GPR183: variants seen among roughly 807,000 people sequenced by gnomAD.
The protein encoded by GPR183 is EBV-induced G-protein coupled receptor 2.
Under a neutral mutation model 19.7 loss-of-function variants are expected in GPR183, and 9 were observed. The observed-to-expected ratio is 0.46, with a 90% CI of 0.28 to 0.80. The LOEUF (loss-of-function observed/expected upper bound fraction) is 0.80. Ranked by LOEUF, GPR183 falls within the 30% of genes least tolerant of loss-of-function variation. The probability of loss-of-function intolerance (pLI) is 0.13; values close to 1 mark genes in which losing one functional copy is unlikely to be tolerated. For missense variants in GPR183, 368 were observed against 446.7 expected (o/e 0.82, Z 1.59); for synonymous variants, 160 against 155.1 (o/e 1.03, Z -0.24).
chr13:99,298,116 T>A (rs2044203450), intron 1 of GPR183, among the ~76,000 whole-genome samples: 1 of 152,090 alleles, frequency 6.6e-6, no homozygotes. Context: ...TTCACAACCA[T>A]GGTGGGAGAT....
chr13:99,306,534 C>T (rs994882429), intron 1 of GPR183, among the ~76,000 whole-genome samples: 1 of 152,140 alleles, frequency 6.6e-6, no homozygotes, highest in African/African-American at 2.4e-5. Flanking sequence ...AACACACACA[C>T]AAACACACAT....
Position 99,295,394 on chromosome 13 carries a change from A to G in GPR183, c.752T>C (p.Val251Ala). 6.2e-7 allele frequency: 1 copy of G among 1,614,158 alleles called. No individual in the cohort carries two copies. The highest frequency in any genetic ancestry group is 8.5e-7 in the Non-Finnish European group (1 of 1,179,996). ...KALNTIILIIVVFVLCFTPYH... is the reference protein window; with the variant it reads ...KALNTIILIIAVFVLCFTPYH... ...AGGTGTGAAACAGAGAACAAACACA[A>G]CAATAATAAGAATAATTGTGTTGAG... Residue 251 changes from valine to alanine, a missense_variant, in exon 2 of 2, where the codon GTT (valine) becomes GCT (alanine). Val to Ala is a moderately conservative substitution (Grantham distance 64, BLOSUM62 0). Coordinates refer to ENST00000376414, the MANE Select transcript of GPR183 (RefSeq NM_004951.5). This position sits in a 1 kb window ranked among gnomAD's most constrained non-coding sequence, Gnocchi z 4.1.
At chr13:99,303,833 G>A (rs984685035) in intron 1 of GPR183, among the ~76,000 whole-genome samples, 33 of 152,154 alleles carry the variant, frequency 2.2e-4, no homozygotes, top group Admixed American at 9.2e-4. Context: ...AGGTCAACTC[G>A]GTCATTCGCT....
intron 1 of GPR183, among the ~76,000 whole-genome samples, chr13:99,298,687 GA>G (rs932568927): frequency 3.3e-5 from 5 of 151,672 alleles, no homozygotes; most frequent in East Asian, 1.9e-4. Context: ...TTTTGTGCAG[GA>G]AAAAAAATGG....
chr13:99,295,945 G>C lies in GPR183; in HGVS notation c.201C>G (p.Thr67=), dbSNP rs902352369. The C allele has an allele frequency of 1.2e-6, 2 of 1,613,858 alleles. No homozygotes were observed. Among genetic ancestry groups the C allele is most frequent in the Non-Finnish European group, 1.7e-6 (2 of 1,179,942 alleles). The change falls in exon 2 of 2, where the codon ACC becomes ACG. Residue 67 remains threonine, a synonymous_variant. Coordinates refer to ENST00000376414, the MANE Select transcript of GPR183 (RefSeq NM_004951.5). The surrounding 1 kb of genome is among the most constrained non-coding windows in gnomAD (Gnocchi z 4.1). ...VQNRKKINST[T]LYSTNLVISD... ...AAATCACCAAATTTGTTGAATAGAG[G>C]GTGGTAGAGTTGATTTTTTTCCTGT...
chr13:99,304,720 A>G (rs2044306662), intron 1 of GPR183, among the ~76,000 whole-genome samples: 1 of 151,984 alleles, frequency 6.6e-6, no homozygotes, highest in Admixed American at 6.5e-5. Context: ...AAGTCCATTG[A>G]CAGAAGGTGA....
At chr13:99,301,250 C>T (rs1454200863) in intron 1 of GPR183, among the ~76,000 whole-genome samples, 1 of 152,222 alleles carries the variant, frequency 6.6e-6, no homozygotes, top group Non-Finnish European at 1.5e-5. Context: ...AAGCCTGGAT[C>T]CTTATTCAGG....
In GPR183 at chr13:99,296,183, G is replaced by T; in HGVS notation, c.-18-20C>A. The stretch of plus-strand genomic sequence containing the variant: ...AGGTGTCTAGAAAAAAACCAAGAAG[G>T]ATCATATAAGTAAAAGCATATGTAT... On this transcript the variant is annotated intron_variant, in intron 1 of 1. Transcript: ENST00000376414. 1 of 1,521,492 alleles carries T rather than the reference G, an allele frequency of 6.6e-7. No individual in the cohort carries two copies. Among genetic ancestry groups the T allele is most frequent in the Non-Finnish European group, 8.8e-7 (1 of 1,136,298 alleles). 94.2% of individuals were successfully genotyped at this position (1,521,492 alleles called of 1,614,324 possible). A position where few individuals can be genotyped will look rare whatever the true frequency, so the allele number is the denominator to read the frequency against.
chr13:99,304,467 A>ACCCC (rs1357049096), intron 1 of GPR183, among the ~76,000 whole-genome samples: 4 of 151,878 alleles, frequency 2.6e-5, no homozygotes, highest in African/African-American at 7.3e-5. Flanking sequence ...GTGAGTGGGG[A>ACCCC]CCCTATGGTG....
chr13:99,294,826 G>A lies in GPR183; in HGVS notation c.*234C>T. 1 of 382,702 alleles carries A rather than the reference G, an allele frequency of 2.6e-6. No individual in the cohort carries two copies. The highest frequency in any genetic ancestry group is 4.7e-6 in the Non-Finnish European group (1 of 215,048). The allele number at this position is 382,702 out of a possible 1,614,324, so 23.7% of individuals were successfully genotyped here. On this transcript the variant is annotated 3_prime_UTR_variant, in exon 2 of 2. Transcript: ENST00000376414. ...GTTATTAAGAGCGCCTCCTTTTGGT[G>A]TATTCGTTTACAAATAAAAATGAAA... is the stretch of plus-strand genomic sequence containing the variant.
chr13:99,306,699 A>G (rs1019928373), intron 1 of GPR183, among the ~76,000 whole-genome samples: 1 of 152,210 alleles, frequency 6.6e-6, no homozygotes, highest in African/African-American at 2.4e-5. Flanking sequence ...TAGAAAAGAT[A>G]CGTTTAGTCT....
At chr13:99,306,699 A>ACGTTTAGTCTAAGT (rs1488684833) in intron 1 of GPR183, among the ~76,000 whole-genome samples, 7 of 152,210 alleles carry the variant, frequency 4.6e-5, no homozygotes, top group Non-Finnish European at 1.0e-4. Flanking sequence ...TAGAAAAGAT[A>ACGTTTAGTCTAAGT]CGTTTAGTCT....
In GPR183 at chr13:99,294,669, A is replaced by C. The variant is rs1472263434; in HGVS notation, c.*391T>G. ...CATTGAGAGAAATTTGGATTTAAGA[A>C]ATATGTTATTTAAAAAGTATGTTAC... On this transcript the variant is annotated 3_prime_UTR_variant, in exon 2 of 2. Transcript: ENST00000376414. 6.5e-6 allele frequency: 1 copy of C among 155,038 alleles called. No individual in the cohort carries two copies. The highest frequency in any genetic ancestry group is 1.4e-5 in the Non-Finnish European group (1 of 70,072). The allele number at this position is 155,038 out of a possible 1,614,324, so 9.6% of individuals were successfully genotyped here.
At chr13:99,307,067 G>T (rs2138748184) in intron 1 of GPR183, among the ~76,000 whole-genome samples, 1 of 152,150 alleles carries the variant, frequency 6.6e-6, no homozygotes, top group East Asian at 1.9e-4. Context: ...TTTTGTCATT[G>T]TGAGTTTATA....
At position 99,295,777 on chromosome 13, in the gene GPR183, G is replaced by A. The variant is rs41280144; in HGVS notation, c.369C>T (p.Thr123=). 2.2e-4 allele frequency: 354 copies of A among 1,613,906 alleles called. 1 individual carries two copies. Among genetic ancestry groups the A allele is most frequent in the Admixed American group, 8.2e-4 (49 of 60,022 alleles). The part of the protein sequence containing the change: ...INTYAGVNFM[T]CLSIDRFIAV... The stretch of plus-strand genomic sequence containing the variant: ...CAATGAAGCGGTCAATACTCAGGCA[G>A]GTCATAAAGTTCACACCTGCATATG... Residue 123 remains threonine (T), a synonymous_variant, in exon 2 of 2, where the codon ACC becomes ACT. Transcript: ENST00000376414. This position sits in a 1 kb window ranked among gnomAD's most constrained non-coding sequence, Gnocchi z 4.1.
chr13:99,296,345 A>G (rs1347697426), intron 1 of GPR183, among the ~76,000 whole-genome samples, 182 bp from the exon 2 acceptor site: 3 of 152,250 alleles, frequency 2.0e-5, no homozygotes, highest in Admixed American at 6.5e-5. Context: ...ATGGTTACAT[A>G]TATGATAACA....
intron 1 of GPR183, among the ~76,000 whole-genome samples, chr13:99,302,641 T>G (rs2044273029): frequency 6.6e-6 from 1 of 152,234 alleles, no homozygotes; most frequent in African/African-American, 2.4e-5. Flanking sequence ...AGCCATCATC[T>G]GAGGGATTAT....
chr13:99,298,003 A>G (rs1167702139), intron 1 of GPR183, among the ~76,000 whole-genome samples: 1 of 152,144 alleles, frequency 6.6e-6, no homozygotes, highest in African/African-American at 2.4e-5. Context: ...ACAGAGGGTC[A>G]CTGCAAAGGT....
intron 1 of GPR183, 92 bp from the exon 2 acceptor site, chr13:99,296,255 A>G (rs1594099331): frequency 9.7e-7 from 1 of 1,028,398 alleles, no homozygotes; most frequent in Non-Finnish European, 1.3e-6. Flanking sequence ...ATAATGTATC[A>G]AAGCAATCCA....
Sources: allele counts gnomAD v4.1 joint callset (sites outside exome capture counted in the v4.1 genomes callset), GRCh38; gene constraint gnomAD v4.1.1; non-coding constraint Gnocchi (gnomAD v3.1); transcripts MANE v1.5; gene names NCBI Gene and HGNC (gene_info 2026-07-23, HGNC 2026-07-21).